Variants in PCLO observed in about 807,000 individuals in gnomAD.
The protein encoded by PCLO is protein piccolo.
A neutral mutation model predicts 427.5 loss-of-function variants in PCLO; 82 were observed. The observed-to-expected ratio is 0.19, with a 90% CI of 0.16 to 0.23. PCLO has a LOEUF of 0.23. PCLO is among the 10% of genes least tolerant of loss of function. The pLI is 1.00. For synonymous variants in PCLO, 2,357 were observed against 2,155.4 expected (o/e 1.09, Z -2.59); for missense variants, 6,239 against 6,115.9 (o/e 1.02, Z -0.67).
At chr7:82,944,561 C>A (rs1641563230) in intron 6 of PCLO, among the ~76,000 whole-genome samples, 1 of 152,058 alleles carries the variant, frequency 6.6e-6, no homozygotes, top group African/African-American at 2.4e-5. Context: ...ACAGGTCAGT[C>A]AAGAAGACCT....
intron 10 of PCLO, among the ~76,000 whole-genome samples, chr7:82,857,561 C>A (rs149838506): frequency 6.6e-6 from 1 of 152,110 alleles, no homozygotes; most frequent in East Asian, 1.9e-4. Flanking sequence ...ATCATCACTG[C>A]CACCACCATC....
In PCLO at chr7:82,936,037, G is replaced by T. The variant is rs1434849739; in HGVS notation, c.11112+13439C>A. On this transcript the variant is annotated intron_variant, in intron 6 of 24. Transcript: ENST00000333891. The stretch of plus-strand genomic sequence containing the variant: ...ACAACATCTAAATGAAGATCCACTA[G>T]GAAATATAGAACTTGAACAACACTG... Among the ~76,000 whole-genome samples the T allele has an allele frequency of 2.0e-5, 3 of 151,594 alleles. No homozygotes were observed. The South Asian group carries it at 6.2e-4, about 31-fold the overall frequency.
At chr7:82,778,384 C>G (rs1298369724) in intron 22 of PCLO, among the ~76,000 whole-genome samples, 2 of 152,110 alleles carry the variant, frequency 1.3e-5, no homozygotes, top group African/African-American at 2.4e-5. Flanking sequence ...TAAAACAGAA[C>G]TATCATTTGA....
Position 82,944,122 on chromosome 7 carries a change from C to T in PCLO, c.11112+5354G>A, listed in dbSNP as rs367888813. ...TGTCATTACACTCCAGCCTGGGCAA[C>T]GGAACAAGAATCCATAAAAAAAAAA... On this transcript the variant is annotated intron_variant, in intron 6 of 24. Coordinates refer to ENST00000333891, the MANE Select transcript of PCLO (RefSeq NM_033026.6). 1.4e-4 allele frequency among the ~76,000 whole-genome samples: 12 copies of T among 84,452 alleles called. No homozygotes were observed. In the East Asian group the frequency reaches 1.8e-3, roughly 12 times the overall value. The allele number at this position is 84,452 out of a possible 152,430, so 55.4% of individuals were successfully genotyped here.
chr7:82,875,452 G>A (rs1008682058), intron 10 of PCLO, among the ~76,000 whole-genome samples: 2 of 151,314 alleles, frequency 1.3e-5, no homozygotes. Flanking sequence ...AAAAAAGATT[G>A]AATAAAAATC....
chr7:82,927,743 A>G (rs1290886358), intron 6 of PCLO, among the ~76,000 whole-genome samples: 1 of 152,122 alleles, frequency 6.6e-6, no homozygotes, highest in Non-Finnish European at 1.5e-5. Context: ...CACATCAATT[A>G]ATATTTGTTT....
chr7:82,967,450 G>C (rs1198530987), intron 3 of PCLO, among the ~76,000 whole-genome samples: 3 of 152,012 alleles, frequency 2.0e-5, no homozygotes, highest in Admixed American at 6.6e-5. Flanking sequence ...GCTGGGATTA[G>C]AGACATGAGC....
chr7:82,886,715 A>T (rs920809440), intron 9 of PCLO, among the ~76,000 whole-genome samples: 18 of 152,144 alleles, frequency 1.2e-4, no homozygotes, highest in Non-Finnish European at 2.9e-5. Context: ...TATTTAGTAC[A>T]GTTATTTTTG....
intron 3 of PCLO, among the ~76,000 whole-genome samples, chr7:82,971,476 G>A (rs994747990): frequency 6.7e-6 from 1 of 148,896 alleles, no homozygotes; most frequent in South Asian, 2.1e-4. Context: ...ACTGCTGGTG[G>A]TCTATTATAT....
intron 5 of PCLO, 147 bp from the exon 6 acceptor site, chr7:82,951,637 G>T: frequency 1.1e-6 from 1 of 873,324 alleles, no homozygotes; most frequent in Non-Finnish European, 1.7e-6. Context: ...TGAAAGCAAT[G>T]TTGAACATGC....
chr7:82,790,718 G>A (rs1791083517), intron 22 of PCLO, among the ~76,000 whole-genome samples: 1 of 152,164 alleles, frequency 6.6e-6, no homozygotes, highest in Non-Finnish European at 1.5e-5. Context: ...CTGCGCTTGT[G>A]AAAAGAGAAG....
intron 3 of PCLO, among the ~76,000 whole-genome samples, chr7:83,116,291 A>G (rs968200148): frequency 3.3e-5 from 5 of 152,144 alleles, no homozygotes; most frequent in Non-Finnish European, 7.4e-5. Flanking sequence ...AAATCATACT[A>G]ACATTTTAAT....
At chr7:82,944,603 T>A (rs752285572) in intron 6 of PCLO, among the ~76,000 whole-genome samples, 65 of 152,162 alleles carry the variant, frequency 4.3e-4, no homozygotes, top group Non-Finnish European at 1.8e-4. Context: ...CAAAAATGGC[T>A]ACCAGGTATA....
Position 83,155,385 on chromosome 7 carries a change from T to A in PCLO, c.1256A>T (p.Lys419Ile), listed in dbSNP as rs750039199. The A allele has an allele frequency of 2.0e-5, 32 of 1,613,486 alleles. No individual in the cohort carries two copies. In the South Asian group the frequency reaches 3.4e-4, roughly 17 times the overall value. The change falls in exon 2 of 25, where the codon AAA (lysine) becomes ATA (isoleucine). Residue 419 changes from lysine (K) to isoleucine (I), a missense_variant. Transcript: ENST00000333891. ...TAGCCCAGGTTGTTGAGCTAGGGGT[T>A]TTGGTGTCCCCACCTGCTGGGTTGG... is the stretch of plus-strand genomic sequence containing the variant. ...KPPTQQVGTP[K>I]PLAQQPGLQS...
In PCLO at chr7:82,989,956, T is replaced by C. The variant is rs993128346; in HGVS notation, c.3301-23469A>G. On this transcript the variant is annotated intron_variant, in intron 3 of 24. Coordinates refer to ENST00000333891, the MANE Select transcript of PCLO (RefSeq NM_033026.6). ...AGGGAGTACTTCAGACTGGAAAATA[T>C]TAAAACTTAAGAGTAAAGAATTTCC... is the stretch of plus-strand genomic sequence containing the variant. Among the ~76,000 whole-genome samples the C allele has an allele frequency of 2.6e-5, 4 of 152,288 alleles. No individual in the cohort carries two copies. In the East Asian group the frequency reaches 7.7e-4, roughly 29 times the overall value.
intron 3 of PCLO, among the ~76,000 whole-genome samples, chr7:83,066,555 AT>A (rs1789674686): frequency 6.6e-6 from 1 of 152,064 alleles, no homozygotes; most frequent in African/African-American, 2.4e-5. Flanking sequence ...ATTCATTTTT[AT>A]TTCCCAGAAA....
chr7:83,118,877 G>A (rs1791202398), intron 3 of PCLO, among the ~76,000 whole-genome samples: 1 of 152,088 alleles, frequency 6.6e-6, no homozygotes, highest in Admixed American at 6.6e-5. Context: ...GACACCATCT[G>A]GGGGAAACAT....
chr7:82,945,135 G>A (rs989592114), intron 6 of PCLO, among the ~76,000 whole-genome samples: 1 of 151,840 alleles, frequency 6.6e-6, no homozygotes, highest in Non-Finnish European at 1.5e-5. Context: ...TTTTTCTGTG[G>A]AGTAAAGTGA....
intron 22 of PCLO, among the ~76,000 whole-genome samples, chr7:82,771,422 C>T (rs992894578): frequency 6.6e-6 from 1 of 151,876 alleles, no homozygotes; most frequent in African/African-American, 2.4e-5. Context: ...TTTCACCCTT[C>T]AAATTTTTCA....
Sources: allele counts gnomAD v4.1 joint callset (sites outside exome capture counted in the v4.1 genomes callset), GRCh38; gene constraint gnomAD v4.1.1; transcripts MANE v1.5; gene names NCBI Gene and HGNC (gene_info 2026-07-23, HGNC 2026-07-21).